Variants in SLCO4C1 observed in about 807,000 individuals in gnomAD.
SLCO4C1 encodes organic anion transporter M1.
In SLCO4C1, 58 loss-of-function variants were observed where a neutral mutation model predicts 72.1. That is an observed-to-expected ratio of 0.80 (90% CI 0.65 to 1.00). The LOEUF is 1.00. Among genes scored for constraint, SLCO4C1 ranks in the 50% least tolerant of loss-of-function variants. SLCO4C1 has a pLI of 0.00. For synonymous variants in SLCO4C1, 297 were observed against 312.5 expected, an observed-to-expected ratio of 0.95 and a Z score of 0.52; for missense variants, 898 against 857.9, an observed-to-expected ratio of 1.05 and a Z score of -0.58.
Position 102,260,231 on chromosome 5 carries a change from A to G in SLCO4C1, c.1110T>C (p.Asp370=), listed in dbSNP as rs1264187477. 2.2e-6 allele frequency: 3 copies of G among 1,383,730 alleles called. No individual in the cohort carries two copies. The highest frequency in any genetic ancestry group is 2.4e-5 in the Admixed American group (1 of 41,076). The allele number at this position is 1,383,730 out of a possible 1,614,324, so 85.7% of individuals were successfully genotyped here. The part of the protein sequence containing the change: ...ADVKFGKSIK[D]FPAALKNLMK... ...ATTTTACCTTTAGAGCAGCTGGAAA[A>G]TCTTTAATACTTTTTCCAAATTTCA... The change falls in exon 6 of 13, where the codon GAT becomes GAC. Residue 370 remains aspartate, a synonymous_variant. Transcript: ENST00000310954.
chr5:102,236,024 T>C lies in SLCO4C1; in HGVS notation c.*834A>G, dbSNP rs1226496369. 6.6e-6 allele frequency: 1 copy of C among 152,216 alleles called. No homozygotes were observed. Among genetic ancestry groups the C allele is most frequent in the Non-Finnish European group, 1.5e-5 (1 of 68,042 alleles). The allele number at this position is 152,216 out of a possible 1,614,324, so 9.4% of individuals were successfully genotyped here. A position where few individuals can be genotyped will look rare whatever the true frequency, so the allele number is the denominator to read the frequency against. ...AAAATTAAAGGTATATAAGTATTGA[T>C]CAATAGTTTCATGTTTAGTTGGCAT... On this transcript the variant is annotated 3_prime_UTR_variant, in exon 13 of 13. Transcript: ENST00000310954.
chr5:102,251,474 A>G (rs1748738048), intron 8 of SLCO4C1, among the ~76,000 whole-genome samples: 1 of 152,050 alleles, frequency 6.6e-6, no homozygotes, highest in African/African-American at 2.4e-5. Flanking sequence ...AAAATGGAAG[A>G]GGCTACTCAA....
chr5:102,247,572 A>G (rs907083133), intron 9 of SLCO4C1, 130 bp from the exon 10 acceptor site: 2 of 519,584 alleles, frequency 3.8e-6, no homozygotes, highest in African/African-American at 3.9e-5. Flanking sequence ...TTATGCTGAG[A>G]GAATATTTAA....
intron 5 of SLCO4C1, 61 bp from the exon 6 acceptor site, chr5:102,260,380 T>C (rs1748918282): frequency 3.7e-6 from 1 of 269,478 alleles, no homozygotes; most frequent in East Asian, 9.6e-5. Flanking sequence ...ATATTATATG[T>C]ATAATATATA....
chr5:102,284,307 T>A (rs565937118), intron 2 of SLCO4C1, among the ~76,000 whole-genome samples: 5 of 152,300 alleles, frequency 3.3e-5, no homozygotes, highest in African/African-American at 1.2e-4. Context: ...CATTAATATA[T>A]GTGACAACTC....
At chr5:102,267,360 T>C (rs1329816496) in intron 3 of SLCO4C1, among the ~76,000 whole-genome samples, 1 of 152,170 alleles carries the variant, frequency 6.6e-6, no homozygotes, top group African/African-American at 2.4e-5. Flanking sequence ...TGGTAGGTTG[T>C]ATGTGCCTAG....
At chr5:102,250,604 G>A (rs1316128789) in intron 8 of SLCO4C1, among the ~76,000 whole-genome samples, 1 of 152,166 alleles carries the variant, frequency 6.6e-6, no homozygotes, top group Non-Finnish European at 1.5e-5. Flanking sequence ...TCAGCAAAGT[G>A]CCTTTTAGAA....
chr5:102,255,670 C>T (rs73774604), intron 8 of SLCO4C1, among the ~76,000 whole-genome samples: 3,852 of 152,192 alleles, frequency 0.025, 165 homozygotes, highest in African/African-American at 0.088. Context: ...TTTCTCAAAA[C>T]TCTTTGTATC....
intron 1 of SLCO4C1, among the ~76,000 whole-genome samples, chr5:102,291,959 T>A (rs1047680252): frequency 1.3e-5 from 2 of 152,030 alleles, no homozygotes; most frequent in African/African-American, 2.4e-5. Context: ...GTAGATGGGA[T>A]TACACGCATG....
At chr5:102,257,741 C>T (rs1748864065) in intron 7 of SLCO4C1, among the ~76,000 whole-genome samples, 1 of 151,820 alleles carries the variant, frequency 6.6e-6, no homozygotes, top group Non-Finnish European at 1.5e-5. Context: ...ACCTCAGCCT[C>T]TGAAGGACCT....
chr5:102,260,398 T>C (rs1003287016), intron 5 of SLCO4C1, 79 bp from the exon 6 acceptor site: 2 of 274,106 alleles, frequency 7.3e-6, no homozygotes, highest in Non-Finnish European at 1.3e-5. Flanking sequence ...ATATAATATA[T>C]AATAAGTAAA....
intron 6 of SLCO4C1, among the ~76,000 whole-genome samples, 159 bp downstream of exon 6, chr5:102,260,053 TG>T (rs1293751274): frequency 2.0e-5 from 3 of 151,436 alleles, no homozygotes; most frequent in African/African-American, 7.3e-5. Context: ...TTTATGTGGG[TG>T]TTTATATGTA....
intron 2 of SLCO4C1, among the ~76,000 whole-genome samples, chr5:102,272,535 C>T (rs1475447580): frequency 6.6e-6 from 1 of 151,954 alleles, no homozygotes; most frequent in Admixed American, 6.6e-5. Context: ...TAAGGGAGAA[C>T]AGTCTCCAGA....
At chr5:102,285,212 T>TACACATACACACAC (rs1749427505) in intron 2 of SLCO4C1, among the ~76,000 whole-genome samples, 1 of 147,850 alleles carries the variant, frequency 6.8e-6, no homozygotes, top group Non-Finnish European at 1.5e-5. Flanking sequence ...TATATATACA[T>TACACATACACACAC]ACACACACAC....
chr5:102,276,515 T>A lies in SLCO4C1; in HGVS notation c.620-5709A>T, dbSNP rs115865915. Among the ~76,000 whole-genome samples the A allele has an allele frequency of 6.9e-3, 1,044 of 152,284 alleles. 13 individuals are homozygous for A. Among genetic ancestry groups the A allele is most frequent in the African/African-American group, 0.024 (989 of 41,550 alleles). On this transcript the variant is annotated intron_variant, in intron 2 of 12. Transcript: ENST00000310954. Reference sequence around the variant, plus strand: ...GCATAGCTTCCTTCTATCATGCAGTTCTTGTTCCCTTTACCACTGCCTATA... The same window carrying A: ...GCATAGCTTCCTTCTATCATGCAGTACTTGTTCCCTTTACCACTGCCTATA...
chr5:102,237,128 A>C, intron 12 of SLCO4C1, 110 bp from the exon 13 acceptor site: 1 of 1,109,208 alleles, frequency 9.0e-7, no homozygotes, highest in Non-Finnish European at 1.2e-6. Context: ...TAATTACATA[A>C]CCATTATAGT....
At chr5:102,258,509 C>T (rs1175358449) in intron 6 of SLCO4C1, among the ~76,000 whole-genome samples, 2 of 152,090 alleles carry the variant, frequency 1.3e-5, no homozygotes, top group Non-Finnish European at 2.9e-5. Context: ...TGAGAATGGT[C>T]TCTAAGTATC....
chr5:102,240,799 T>C lies in SLCO4C1; in HGVS notation c.1812-17A>G, dbSNP rs368130011. 4.4e-4 allele frequency: 698 copies of C among 1,588,812 alleles called. 1 individual carries two copies. Among genetic ancestry groups the C allele is most frequent in the Non-Finnish European group, 5.4e-4 (623 of 1,160,960 alleles). On this transcript the variant is annotated splice_polypyrimidine_tract_variant and intron_variant, in intron 10 of 12. Coordinates refer to ENST00000310954, the MANE Select transcript of SLCO4C1 (RefSeq NM_180991.5). ...TTAACACACCTGGAAATATTAAATA[T>C]ATATGAGACCAAAAAAGGTGGTATA...
At chr5:102,247,205 T>C in intron 10 of SLCO4C1, 47 bp downstream of exon 10, 2 of 1,378,920 alleles carry the variant, frequency 1.5e-6, no homozygotes, top group South Asian at 3.6e-5. Flanking sequence ...TTGTTTTCCA[T>C]CAACATGTTG....
Sources: allele counts gnomAD v4.1 joint callset (sites outside exome capture counted in the v4.1 genomes callset), GRCh38; gene constraint gnomAD v4.1.1; transcripts MANE v1.5; gene names NCBI Gene and HGNC (gene_info 2026-07-23, HGNC 2026-07-21).